The following TRAK1 variants were observed in gnomAD, a reference collection of about 807,000 sequenced individuals.
TRAK1 encodes trafficking kinesin protein 1.
TRAK1 carries 33 observed loss-of-function variants against 92.1 expected under a neutral mutation model. The observed-to-expected ratio is 0.36, with a 90% CI of 0.27 to 0.48. The LOEUF is 0.48. TRAK1 is among the 20% of genes least tolerant of loss of function. The probability of loss-of-function intolerance (pLI) is 0.99; values close to 1 mark genes in which losing one functional copy is unlikely to be tolerated. For missense variants in TRAK1, 1,123 were observed against 1,257.9 expected, an observed-to-expected ratio of 0.89 and a Z score of 1.62; for synonymous variants, 521 against 517.3, an observed-to-expected ratio of 1.01 and a Z score of -0.10.
chr3:42,165,479 A>G (rs990908658), intron 2 of TRAK1, among the ~76,000 whole-genome samples: 2 of 152,186 alleles, frequency 1.3e-5, no homozygotes, highest in South Asian at 2.1e-4. Flanking sequence ...ACATTTCTCC[A>G]GCTTGGGAGA....
intron 2 of TRAK1, 145 bp downstream of exon 2, chr3:42,125,759 G>T (rs935213245): frequency 4.7e-6 from 4 of 856,196 alleles, no homozygotes; most frequent in Non-Finnish European, 7.0e-6. Flanking sequence ...GGCTGTAGGG[G>T]TTAACCGCAC....
chr3:42,114,352 T>A (rs1239168845), intron 1 of TRAK1, among the ~76,000 whole-genome samples: 4 of 152,242 alleles, frequency 2.6e-5, no homozygotes, highest in African/African-American at 9.6e-5. Context: ...GAAGTGAAAT[T>A]GCTGCAACAT....
At chr3:42,142,445 T>C (rs1179716637) in intron 2 of TRAK1, among the ~76,000 whole-genome samples, 4 of 152,146 alleles carry the variant, frequency 2.6e-5, no homozygotes. Context: ...GGCAGTCAGC[T>C]CTCCTCTGGA....
chr3:42,119,072 C>T (rs1490748732), intron 1 of TRAK1, among the ~76,000 whole-genome samples: 1 of 152,208 alleles, frequency 6.6e-6, no homozygotes. Flanking sequence ...TCACTCTTCT[C>T]ACACTTACTG....
upstream of TRAK1, among the ~76,000 whole-genome samples, chr3:42,013,261 A>G (rs1276541041): frequency 6.6e-6 from 1 of 152,170 alleles, no homozygotes; most frequent in Non-Finnish European, 1.5e-5. The surrounding 1 kb of genome is among the most constrained non-coding windows in gnomAD (Gnocchi z 5.1). Flanking sequence ...CCCTGCAGGA[A>G]CAGAACGCCT....
At chr3:42,057,463 C>T (rs757159871) in intron 1 of TRAK1, among the ~76,000 whole-genome samples, 1 of 152,124 alleles carries the variant, frequency 6.6e-6, no homozygotes, top group Non-Finnish European at 1.5e-5. Context: ...TCTTAAGCCT[C>T]CTTTGCAGCA....
chr3:42,207,930 G>A (rs1708515888), intron 13 of TRAK1, among the ~76,000 whole-genome samples: 1 of 152,102 alleles, frequency 6.6e-6, no homozygotes, highest in Non-Finnish European at 1.5e-5. Flanking sequence ...GTACATTGTG[G>A]GATGTTTGGC....
At chr3:42,180,887 C>T (rs958874023) in intron 3 of TRAK1, among the ~76,000 whole-genome samples, 2 of 151,942 alleles carry the variant, frequency 1.3e-5, no homozygotes, top group African/African-American at 4.8e-5. Flanking sequence ...TATTTTTATA[C>T]AATTTGCTGT....
In TRAK1 at chr3:42,209,767, G is replaced by T. The variant is rs1298639318; in HGVS notation, c.1745G>T (p.Gly582Val). Residue 582 changes from glycine to valine, a missense_variant and splice_region_variant, in exon 14 of 16, where the codon GGT becomes GTT. By Grantham distance (109) the Gly-to-Val change is moderately radical (BLOSUM62 -3). Coordinates refer to ENST00000327628, the MANE Select transcript of TRAK1 (RefSeq NM_001042646.3). ...EKLQIVKPLE[G>V]SATLHHWQQL... ...TCTTCCCTTCCCTTTCTCCTGCAAG[G>T]TTCCGCCACACTTCACCACTGGCAG... is the stretch of plus-strand genomic sequence containing the variant. The T allele has an allele frequency of 1.2e-6, 2 of 1,613,626 alleles. No homozygotes were observed. Among genetic ancestry groups the T allele is most frequent in the Non-Finnish European group, 1.7e-6 (2 of 1,179,852 alleles).
chr3:42,218,485 C>T lies in TRAK1; in HGVS notation c.1964-1009C>T, dbSNP rs553384086. The T allele has an allele frequency of 8.5e-5, 84 of 983,776 alleles. No individual in the cohort carries two copies. In the African/African-American group the frequency reaches 1.4e-3, roughly 16 times the overall value. 60.9% of individuals were successfully genotyped at this position (983,776 alleles called of 1,614,324 possible). ...TGGGAGAATCATCCCGGCACTTCAT[C>T]GTGCATGCTATTTCGGGCAGCATCT... On this transcript the variant is annotated intron_variant, in intron 14 of 15. Coordinates refer to ENST00000327628, the MANE Select transcript of TRAK1 (RefSeq NM_001042646.3).
intron 12 of TRAK1, among the ~76,000 whole-genome samples, chr3:42,201,861 C>T (rs13059721): frequency 0.067 from 7,592 of 113,168 alleles, 223 homozygotes; most frequent in Middle Eastern, 0.096. Context: ...CCTGGACGGA[C>T]GGACGGACGG....
intron 1 of TRAK1, among the ~76,000 whole-genome samples, chr3:42,031,263 G>A (rs952813956): frequency 2.6e-5 from 4 of 151,408 alleles, no homozygotes; most frequent in Non-Finnish European, 4.4e-5. Flanking sequence ...GGTCTCGAAC[G>A]CCTGACCTTG....
intron 14 of TRAK1, chr3:42,217,135 T>A: frequency 6.6e-6 from 2 of 302,286 alleles, no homozygotes; most frequent in Non-Finnish European, 9.7e-6. Context: ...GCTCTCTTCC[T>A]GCACCCAGGG....
Position 42,202,762 on chromosome 3 carries a change from C to CG in TRAK1, c.1744+14dup, listed in dbSNP as rs779111893. On this transcript the variant is annotated intron_variant, in intron 13 of 15. Transcript: ENST00000327628. This position sits in a 1 kb window ranked among gnomAD's most constrained non-coding sequence, Gnocchi z 6.1. ...GTGAAGCCGCTGGAAGGTGATCACG[C>CG]GGGGCCTCGGCCCCTCTCTGTCCTC... 4 of 1,613,108 alleles carry CG rather than the reference C, an allele frequency of 2.5e-6. No homozygotes were observed. The South Asian group carries it at 3.3e-5, about 13-fold the overall frequency.
chr3:42,206,684 T>G (rs1290231529), intron 13 of TRAK1, among the ~76,000 whole-genome samples: 1 of 152,250 alleles, frequency 6.6e-6, no homozygotes, highest in Admixed American at 6.5e-5. Flanking sequence ...ACATGGGTGT[T>G]CTTACATCCC....
chr3:42,045,632 C>G (rs192875933), intron 1 of TRAK1, among the ~76,000 whole-genome samples: 1 of 152,332 alleles, frequency 6.6e-6, no homozygotes, highest in African/African-American at 2.4e-5. Context: ...TTGCCTAATG[C>G]TAATGCGTAA....
At chr3:42,091,622 A>C in intron 1 of TRAK1, 62 bp downstream of exon 1, 1 of 1,498,828 alleles carries the variant, frequency 6.7e-7, no homozygotes, top group Non-Finnish European at 9.1e-7. Context: ...CGGAAAGGAG[A>C]AAAGACCACA....
intron 1 of TRAK1, among the ~76,000 whole-genome samples, chr3:42,056,931 G>A (rs1015808753): frequency 6.6e-6 from 1 of 152,138 alleles, no homozygotes; most frequent in African/African-American, 2.4e-5. Context: ...ACAAAGTAAA[G>A]TACCAAAATT....
At chr3:42,072,642 C>T (rs1289726808) in intron 1 of TRAK1, among the ~76,000 whole-genome samples, 1 of 150,722 alleles carries the variant, frequency 6.6e-6, no homozygotes, top group Non-Finnish European at 1.5e-5. Context: ...TTTCTTTTCT[C>T]TCAGTTGCAG....
Sources: allele counts gnomAD v4.1 joint callset (sites outside exome capture counted in the v4.1 genomes callset), GRCh38; gene constraint gnomAD v4.1.1; non-coding constraint Gnocchi (gnomAD v3.1); transcripts MANE v1.5; gene names NCBI Gene and HGNC (gene_info 2026-07-23, HGNC 2026-07-21).